FBXO39: variants seen among roughly 807,000 people sequenced by gnomAD.
FBXO39 encodes F-box only protein 39.
Under a neutral mutation model 36.6 loss-of-function variants are expected in FBXO39, and 22 were observed. That is an observed-to-expected ratio of 0.60 (90% CI 0.43 to 0.86). FBXO39 has a LOEUF of 0.86. Among genes scored for constraint, FBXO39 ranks in the 40% least tolerant of loss-of-function variants. FBXO39 has a pLI of 0.00. For missense variants in FBXO39, 536 were observed against 543.9 expected, an observed-to-expected ratio of 0.99 and a Z score of 0.14; for synonymous variants, 206 against 205.8, an observed-to-expected ratio of 1.00 and a Z score of -0.01.
intron 1 of FBXO39, among the ~76,000 whole-genome samples, chr17:6,777,864 G>A (rs1377967666): frequency 6.6e-6 from 1 of 152,228 alleles, no homozygotes; most frequent in African/African-American, 2.4e-5. Flanking sequence ...GGCGGGACGG[G>A]CTGCTGTTCA....
At position 6,787,350 on chromosome 17, in the gene FBXO39, G is replaced by A. The variant is rs1480427743; in HGVS notation, c.1251G>A (p.Leu417=). ...RYETNEEDKT[L]QEIYRKYRKL... is the part of the protein sequence containing the mutation. ...AGACGAATGAAGAGGACAAGACCCT[G>A]CAGGAAATTTACAGGAAGTACAGAA... Residue 417 remains leucine, a synonymous_variant, in exon 4 of 4, where the codon CTG becomes CTA. Coordinates refer to ENST00000321535, the MANE Select transcript of FBXO39 (RefSeq NM_153230.3). 6.2e-7 allele frequency: 1 copy of A among 1,614,016 alleles called. No individual in the cohort carries two copies. The highest frequency in any genetic ancestry group is 1.3e-5 in the African/African-American group (1 of 75,010).
Position 6,780,166 on chromosome 17 carries a change from T to C in FBXO39, c.298T>C (p.Tyr100His). 6.2e-7 allele frequency: 1 copy of C among 1,614,190 alleles called. No individual in the cohort carries two copies. The highest frequency in any genetic ancestry group is 8.5e-7 in the Non-Finnish European group (1 of 1,180,032). Residue 100 changes from tyrosine to histidine, a missense_variant, in exon 2 of 4, where the codon TAC becomes CAC. Transcript: ENST00000321535. The stretch of plus-strand genomic sequence containing the variant: ...CCTGGAGGTCAAATTCATGAATCCT[T>C]ACAATGCTGTCTTGACCAAGAAGTT... ...EHLEVKFMNP[Y>H]NAVLTKKFQV...
intron 1 of FBXO39, among the ~76,000 whole-genome samples, chr17:6,778,643 T>A (rs956094705): frequency 2.6e-5 from 4 of 151,950 alleles, no homozygotes; most frequent in Non-Finnish European, 4.4e-5. Context: ...CTTTAAGGAG[T>A]GGTAGGGCTT....
intron 2 of FBXO39, among the ~76,000 whole-genome samples, chr17:6,782,952 C>A (rs1027827843): frequency 6.6e-6 from 1 of 152,066 alleles, no homozygotes; most frequent in Non-Finnish European, 1.5e-5. Context: ...AAATTTCATC[C>A]AATGGCTGAA....
In FBXO39 at chr17:6,780,516, C is replaced by CA; in HGVS notation, c.653dup (p.Thr219AspfsTer24). ...TTGCTGTCTACAACAGCCCCCAGTT[C>CA]AAAAAGACCATGTCCACATTCCACA... is the stretch of plus-strand genomic sequence containing the variant. On this transcript the variant is annotated frameshift_variant, in exon 2 of 4. Transcript: ENST00000321535. LOFTEE classifies it high-confidence loss of function. 6.2e-7 allele frequency: 1 copy of CA among 1,614,096 alleles called. No individual in the cohort carries two copies. The highest frequency in any genetic ancestry group is 8.5e-7 in the Non-Finnish European group (1 of 1,180,028).
chr17:6,787,253 T>TGTGTGTGTGTGTGTGTGTGTGC lies in FBXO39; in HGVS notation c.1201-46_1201-45insTGTGTGTGTGTGTGTGTGTGCG, dbSNP rs138181464. 1.3e-4 allele frequency: 195 copies of TGTGTGTGTGTGTGTGTGTGTGC among 1,552,140 alleles called. 3 individuals are homozygous for TGTGTGTGTGTGTGTGTGTGTGC. The African/African-American group carries it at 2.7e-3, about 22-fold the overall frequency. On this transcript the variant is annotated intron_variant, in intron 3 of 3. Coordinates refer to ENST00000321535, the MANE Select transcript of FBXO39 (RefSeq NM_153230.3). Reference sequence around the variant, plus strand: ...GTGTGTGTGTATGTGTGTGTGTGTGTGCGTGTGTGCGTGCTCATATGTGGA... The same window carrying TGTGTGTGTGTGTGTGTGTGTGC: ...GTGTGTGTGTATGTGTGTGTGTGTGTGTGTGTGTGTGTGTGTGTGTGCGCGTGTGTGCGTGCTCATATGTGGA...
chr17:6,784,835 C>G (rs940345398), intron 2 of FBXO39, among the ~76,000 whole-genome samples: 2 of 151,768 alleles, frequency 1.3e-5, no homozygotes, highest in African/African-American at 2.4e-5. Context: ...TTTATACTAT[C>G]GAAAGCCATC....
intron 2 of FBXO39, among the ~76,000 whole-genome samples, chr17:6,786,287 A>G (rs1976568836): frequency 1.3e-5 from 2 of 152,322 alleles, no homozygotes; most frequent in East Asian, 3.9e-4. Flanking sequence ...TGTGGGAGCT[A>G]AAAATTAAAA....
Position 6,787,306 on chromosome 17 carries a change from A to G in FBXO39, c.1207A>G (p.Ile403Val), listed in dbSNP as rs765786163. 1.2e-6 allele frequency: 2 copies of G among 1,613,466 alleles called. No homozygotes were observed. Among genetic ancestry groups the G allele is most frequent in the African/African-American group, 1.3e-5 (1 of 74,854 alleles). ...TATTTCTCTGTTGGCACAGGCGAGA[A>G]TTTATACAAACAGATATGAGACGAA... ...QCALRVFKAR[I>V]YTNRYETNEE... The change falls in exon 4 of 4, where the codon ATT (isoleucine) becomes GTT (valine). Residue 403 changes from isoleucine to valine, a missense_variant. By Grantham distance (29) the Ile-to-Val change is conservative. Transcript: ENST00000321535.
chr17:6,781,956 T>C (rs560756666), intron 2 of FBXO39, among the ~76,000 whole-genome samples: 2 of 152,168 alleles, frequency 1.3e-5, no homozygotes, highest in African/African-American at 4.8e-5. Context: ...AGTAAGTACA[T>C]AGAAAAACAC....
chr17:6,777,232 T>C (rs1371631603), intron 1 of FBXO39, among the ~76,000 whole-genome samples: 1 of 151,864 alleles, frequency 6.6e-6, no homozygotes, highest in Middle Eastern at 3.2e-3. Context: ...ATGCATTAGG[T>C]ATTTGTCCTA....
intron 1 of FBXO39, among the ~76,000 whole-genome samples, chr17:6,777,732 C>T (rs1976450175): frequency 6.6e-6 from 1 of 151,992 alleles, no homozygotes; most frequent in African/African-American, 2.4e-5. Context: ...TGTGTGGGTC[C>T]CTTGGGAGAG....
chr17:6,784,929 A>ATATATATATATATGTGTGTGTG (rs1491434533), intron 2 of FBXO39, among the ~76,000 whole-genome samples: 3 of 136,206 alleles, frequency 2.2e-5, no homozygotes, highest in African/African-American at 9.3e-5. Context: ...ATATATATAT[A>ATATATATATATATGTGTGTGTG]TGTGTGTGTG....
chr17:6,777,526 T>C (rs1487238013), intron 1 of FBXO39, among the ~76,000 whole-genome samples: 2 of 152,206 alleles, frequency 1.3e-5, no homozygotes, highest in African/African-American at 2.4e-5. Flanking sequence ...GCATTTGGGT[T>C]GATTCCAAGT....
Position 6,784,234 on chromosome 17 carries a change from CA to C in FBXO39, c.1024-2540del, listed in dbSNP as rs1381938291. Among the ~76,000 whole-genome samples, 3 of 152,118 alleles carry C rather than the reference CA, an allele frequency of 2.0e-5. No individual in the cohort carries two copies. The East Asian group carries it at 5.8e-4, about 29-fold the overall frequency. ...AACATTCCTTCATGATTAAAACTCT[CA>C]AAAAACTGGGTATAGAAGGAGCATA... is the stretch of plus-strand genomic sequence containing the variant. On this transcript the variant is annotated intron_variant, in intron 2 of 3. Coordinates refer to ENST00000321535, the MANE Select transcript of FBXO39 (RefSeq NM_153230.3).
At chr17:6,781,998 AACT>A (rs1976513750) in intron 2 of FBXO39, among the ~76,000 whole-genome samples, 1 of 152,236 alleles carries the variant, frequency 6.6e-6, no homozygotes, top group Non-Finnish European at 1.5e-5. Context: ...TGTGTGAGTA[AACT>A]ACTCATATCT....
intron 2 of FBXO39, among the ~76,000 whole-genome samples, chr17:6,784,327 G>A (rs1221081755): frequency 6.6e-6 from 1 of 152,032 alleles, no homozygotes; most frequent in East Asian, 1.9e-4. Context: ...GAGAAAAACT[G>A]AAAGCCTTTT....
intron 2 of FBXO39, among the ~76,000 whole-genome samples, chr17:6,786,464 T>C (rs766503063): frequency 9.9e-5 from 15 of 152,156 alleles, no homozygotes; most frequent in Non-Finnish European, 2.1e-4. Context: ...TAGTCAATCA[T>C]CATTTAATTG....
At chr17:6,785,741 A>G (rs968934893) in intron 2 of FBXO39, among the ~76,000 whole-genome samples, 5 of 151,782 alleles carry the variant, frequency 3.3e-5, no homozygotes, top group African/African-American at 9.6e-5. Context: ...CAAAATAAGT[A>G]TATTAAAAGG....
Sources: gnomAD v4.1 joint callset for allele counts (sites outside exome capture counted in the v4.1 genomes callset) on GRCh38, gnomAD v4.1.1 for gene constraint, MANE v1.5 for transcripts, NCBI Gene and HGNC (gene_info 2026-07-23, HGNC 2026-07-21) for gene names.